The following SHISA9 variants were observed in gnomAD, a reference collection of about 807,000 sequenced individuals.
SHISA9 encodes the protein shisa family member 9.
SHISA9 carries 13 observed loss-of-function variants against 38.0 expected under a neutral mutation model. That is an observed-to-expected ratio of 0.34 (90% CI 0.22 to 0.54). The LOEUF (loss-of-function observed/expected upper bound fraction) is 0.54. SHISA9 is among the 20% of genes least tolerant of loss of function. SHISA9 has a pLI of 0.91. For synonymous variants in SHISA9, 275 were observed against 242.0 expected (o/e 1.14, Z -1.27); for missense variants, 538 against 575.8 (o/e 0.93, Z 0.67).
At chr16:13,426,062 C>T in the SHISA9 span, among the ~76,000 whole-genome samples, 1 of 152,180 alleles carries the variant, frequency 6.6e-6, no homozygotes, top group Non-Finnish European at 1.5e-5. Context: ...CTCTGAAGGT[C>T]CCTGCTTGCC....
chr16:13,125,593 A>G (rs1030123644), intron 2 of SHISA9, among the ~76,000 whole-genome samples: 1 of 152,204 alleles, frequency 6.6e-6, no homozygotes, highest in Admixed American at 6.5e-5. Flanking sequence ...TTAGTCTACA[A>G]TTTGATCAAC....
intron 2 of SHISA9, among the ~76,000 whole-genome samples, chr16:13,115,672 G>A (rs941475932): frequency 6.6e-6 from 1 of 152,124 alleles, no homozygotes; most frequent in Admixed American, 6.5e-5. Flanking sequence ...TGGGAGGCTT[G>A]CTCCCAACAC....
chr16:13,521,414 T>C, the SHISA9 span, among the ~76,000 whole-genome samples: 1 of 152,238 alleles, frequency 6.6e-6, no homozygotes, highest in African/African-American at 2.4e-5. Flanking sequence ...TTGCGTCTAA[T>C]GCCCTGTATC....
the SHISA9 span, among the ~76,000 whole-genome samples, chr16:13,314,290 T>C: frequency 6.6e-6 from 1 of 152,132 alleles, no homozygotes; most frequent in Non-Finnish European, 1.5e-5. Flanking sequence ...CTCAGCTGAC[T>C]GAAACCTCCG....
At chr16:13,268,226 TA>T in the SHISA9 span, among the ~76,000 whole-genome samples, 10 of 152,154 alleles carry the variant, frequency 6.6e-5, no homozygotes, top group Non-Finnish European at 2.9e-5. Flanking sequence ...TTATGTTGAA[TA>T]AAAAATTTTC....
chr16:13,278,614 G>A, the SHISA9 span, among the ~76,000 whole-genome samples: 1 of 151,746 alleles, frequency 6.6e-6, no homozygotes, highest in Non-Finnish European at 1.5e-5. Flanking sequence ...GTCTGTTCAG[G>A]GTATCTAATT....
chr16:12,945,682 A>G (rs902871677), intron 2 of SHISA9, among the ~76,000 whole-genome samples: 1 of 152,254 alleles, frequency 6.6e-6, no homozygotes, highest in Non-Finnish European at 1.5e-5. Flanking sequence ...CAACTGAAAA[A>G]TTGGAATGAT....
chr16:13,075,767 C>A (rs1020233980), intron 2 of SHISA9, among the ~76,000 whole-genome samples: 1 of 152,190 alleles, frequency 6.6e-6, no homozygotes, highest in Non-Finnish European at 1.5e-5. Context: ...AAAAAGTAGC[C>A]TGATAAAGAT....
chr16:13,078,096 A>C (rs1379010190), intron 2 of SHISA9, among the ~76,000 whole-genome samples: 1 of 152,230 alleles, frequency 6.6e-6, no homozygotes, highest in Non-Finnish European at 1.5e-5. Context: ...AGATGTTTGG[A>C]AACAGGTTTG....
intron 2 of SHISA9, among the ~76,000 whole-genome samples, chr16:12,988,012 C>G (rs2072335500): frequency 6.6e-6 from 1 of 152,142 alleles, no homozygotes; most frequent in Non-Finnish European, 1.5e-5. Flanking sequence ...TTTAAATACA[C>G]CAATAATCAG....
the SHISA9 span, among the ~76,000 whole-genome samples, chr16:13,507,909 A>T: frequency 3.9e-5 from 6 of 152,216 alleles, no homozygotes; most frequent in Non-Finnish European, 2.9e-5. Context: ...TGCACACACT[A>T]TTTTAATGAT....
chr16:12,962,736 G>C (rs2071927200), intron 2 of SHISA9, among the ~76,000 whole-genome samples: 1 of 152,204 alleles, frequency 6.6e-6, no homozygotes, highest in Non-Finnish European at 1.5e-5. Context: ...CTGGTCTATG[G>C]TATTGTGTTA....
chr16:13,283,538 CA>C, the SHISA9 span, among the ~76,000 whole-genome samples: 1 of 151,996 alleles, frequency 6.6e-6, no homozygotes, highest in Non-Finnish European at 1.5e-5. Flanking sequence ...GAGAGCCAAG[CA>C]AAAGGGGTTT....
At chr16:13,538,802 A>G in the SHISA9 span, among the ~76,000 whole-genome samples, 1 of 152,234 alleles carries the variant, frequency 6.6e-6, no homozygotes, top group African/African-American at 2.4e-5. Context: ...TGAGGCATCA[A>G]TTCTCTCCCC....
the SHISA9 span, among the ~76,000 whole-genome samples, chr16:13,424,485 G>T: frequency 1.3e-5 from 2 of 152,234 alleles, no homozygotes; most frequent in Admixed American, 1.3e-4. Context: ...ACTGCAGTAA[G>T]ATTGGGAGAG....
At chr16:13,008,390 C>T (rs1347600216) in intron 2 of SHISA9, among the ~76,000 whole-genome samples, 1 of 152,230 alleles carries the variant, frequency 6.6e-6, no homozygotes, top group Non-Finnish European at 1.5e-5. Context: ...AAGTCTGCTT[C>T]TGTGGGAACC....
At chr16:13,291,293 C>T in the SHISA9 span, among the ~76,000 whole-genome samples, 1 of 152,146 alleles carries the variant, frequency 6.6e-6, no homozygotes, top group Non-Finnish European at 1.5e-5. Flanking sequence ...ACTGAGCCAA[C>T]CCAAACCCCA....
chr16:13,487,332 C>T, the SHISA9 span, among the ~76,000 whole-genome samples: 1 of 152,200 alleles, frequency 6.6e-6, no homozygotes, highest in Non-Finnish European at 1.5e-5. Flanking sequence ...TTAATTGGCT[C>T]ACAGTTCTGT....
At chr16:13,476,995 C>T in the SHISA9 span, among the ~76,000 whole-genome samples, 1 of 151,990 alleles carries the variant, frequency 6.6e-6, no homozygotes, top group Non-Finnish European at 1.5e-5. Context: ...ATCTGCCCGC[C>T]TCGGCCTCCC....
Sources: gnomAD v4.1 joint callset for allele counts (sites outside exome capture counted in the v4.1 genomes callset) on GRCh38, gnomAD v4.1.1 for gene constraint, MANE v1.5 for transcripts, NCBI Gene and HGNC (gene_info 2026-07-23, HGNC 2026-07-21) for gene names.